The following ACAA1 variants were observed in gnomAD, a reference collection of about 807,000 sequenced individuals.
ACAA1 encodes acetyl-CoA acyltransferase 1.
In ACAA1, 44 loss-of-function variants were observed where a neutral mutation model predicts 48.8. The observed-to-expected ratio is 0.90, with a 90% CI of 0.71 to 1.16. ACAA1 has a LOEUF of 1.16. Among genes scored for constraint, ACAA1 ranks in the 50% most tolerant of loss-of-function variants. ACAA1 has a pLI of 0.00. For missense variants in ACAA1, 512 were observed against 562.3 expected, an observed-to-expected ratio of 0.91 and a Z score of 0.90; for synonymous variants, 233 against 226.5, an observed-to-expected ratio of 1.03 and a Z score of -0.26.
chr3:38,123,062 T>G lies in ACAA1; in HGVS notation c.1260A>C (p.Glu420Asp). ...GGGACCTCACTCAGTTCCCAGGGTA[T>G]TCAAAGACGGCAGCGGCTCCCATTC... ...GTGMGAAAVF[E>D]YPGN The change falls in exon 12 of 12, where the codon GAA becomes GAC. Residue 420 changes from glutamate (E) to aspartate (D), a missense_variant. Glu to Asp is a conservative substitution (Grantham distance 45). Transcript: ENST00000333167. 1.9e-6 allele frequency: 3 copies of G among 1,614,144 alleles called. No individual in the cohort carries two copies. Among genetic ancestry groups the G allele is most frequent in the Non-Finnish European group, 2.5e-6 (3 of 1,180,016 alleles).
In ACAA1 at chr3:38,136,670, C is replaced by T; in HGVS notation, c.187G>A (p.Glu63Lys). ...RGGFKDTTPD[E>K]LLSAVMTAVL... ...GCGGTCATGACTGCCGAGAGAAGCT[C>T]GTCGGGGGTGGTGTCCTGCAGCAGA... Residue 63 changes from glutamate to lysine, a missense_variant, in exon 2 of 12, where the codon GAG (glutamate) becomes AAG (lysine). Transcript: ENST00000333167. 1 of 1,612,862 alleles carries T rather than the reference C, an allele frequency of 6.2e-7. No homozygotes were observed. The highest frequency in any genetic ancestry group is 1.7e-4 in the Middle Eastern group (1 of 6,054).
At chr3:38,136,818 C>A in intron 1 of ACAA1, 47 bp downstream of exon 1, 1 of 1,487,098 alleles carries the variant, frequency 6.7e-7, no homozygotes, top group East Asian at 2.5e-5. Flanking sequence ...GACCCCAGCC[C>A]GCGCCGGCGT....
At chr3:38,130,459 C>T (rs1348914658) in intron 5 of ACAA1, among the ~76,000 whole-genome samples, 2 of 152,192 alleles carry the variant, frequency 1.3e-5, no homozygotes, top group South Asian at 2.1e-4. Context: ...CCTGGATCCA[C>T]ATTTAGGTAG....
chr3:38,133,827 G>C (rs1026746588), intron 3 of ACAA1, 125 bp downstream of exon 3: 9 of 901,846 alleles, frequency 1.0e-5, no homozygotes, highest in Non-Finnish European at 1.6e-5. Flanking sequence ...GGGAGCCAAG[G>C]ACTCTCGTTG....
Position 38,126,238 on chromosome 3 carries a change from A to G in ACAA1, c.921T>C (p.Tyr307=), listed in dbSNP as rs754846780. 5 of 1,614,194 alleles carry G rather than the reference A, an allele frequency of 3.1e-6. No homozygotes were observed. In the South Asian group the frequency reaches 3.3e-5, roughly 11 times the overall value. The change falls in exon 9 of 12, where the codon TAT becomes TAC. Residue 307 remains tyrosine (Y), a synonymous_variant. Transcript: ENST00000333167. This position sits in a 1 kb window ranked among gnomAD's most constrained non-coding sequence, Gnocchi z 4.7. ...GLPILGVLRS[Y]AVVGVPPDIM... ...TGTCAGGTGGGACCCCAACCACTGC[A>G]TAAGACCTCAGGACCCCAAGGATGG... is the stretch of plus-strand genomic sequence containing the variant.
intron 6 of ACAA1, 111 bp from the exon 7 acceptor site, chr3:38,127,977 A>G (rs1038252130): frequency 1.0e-6 from 1 of 991,458 alleles, no homozygotes; most frequent in Non-Finnish European, 1.6e-6. Context: ...TAGGCAGGAC[A>G]GGATGTAAGG....
At chr3:38,130,781 T>C (rs901305402) in intron 5 of ACAA1, among the ~76,000 whole-genome samples, 29 of 152,228 alleles carry the variant, frequency 1.9e-4, no homozygotes, top group African/African-American at 6.8e-4. Flanking sequence ...TTTACAACTG[T>C]AGACATAGGT....
chr3:38,136,737 A>G, intron 1 of ACAA1, 52 bp from the exon 2 acceptor site: 1 of 1,531,252 alleles, frequency 6.5e-7, no homozygotes, highest in Non-Finnish European at 8.8e-7. Flanking sequence ...TGCCCACCCC[A>G]GGGAGACAAA....
chr3:38,137,080 C>T lies in ACAA1; in HGVS notation c.-45G>A. The T allele has an allele frequency of 1.4e-6, 2 of 1,473,366 alleles. No individual in the cohort carries two copies. Among genetic ancestry groups the T allele is most frequent in the South Asian group, 1.3e-5 (1 of 77,838 alleles). 91.3% of individuals were successfully genotyped at this position (1,473,366 alleles called of 1,614,324 possible). On this transcript the variant is annotated 5_prime_UTR_variant, in exon 1 of 12. Coordinates refer to ENST00000333167, the MANE Select transcript of ACAA1 (RefSeq NM_001607.4). The stretch of plus-strand genomic sequence containing the variant: ...GACCAGCCACCAGTCCGGGAACTGA[C>T]CGCGGAGTTAACAGACAGCCGTCCG...
intron 11 of ACAA1, 127 bp from the exon 12 acceptor site, chr3:38,123,249 G>C: frequency 1.2e-6 from 1 of 854,652 alleles, no homozygotes; most frequent in Non-Finnish European, 1.9e-6. Context: ...GTGGGCAAGC[G>C]GTACCCTGGC....
chr3:38,125,727 C>A lies in ACAA1; in HGVS notation c.1054-17G>T. ...GTAGGCAGCCTGGAAGGAGGCAGATCATCACCTATAGCCCTCTTACCCCTC... is the reference window on the plus strand; with the variant it reads ...GTAGGCAGCCTGGAAGGAGGCAGATAATCACCTATAGCCCTCTTACCCCTC... On this transcript the variant is annotated splice_polypyrimidine_tract_variant and intron_variant, in intron 10 of 11. Coordinates refer to ENST00000333167, the MANE Select transcript of ACAA1 (RefSeq NM_001607.4). 1 of 1,611,568 alleles carries A rather than the reference C, an allele frequency of 6.2e-7. No individual in the cohort carries two copies. Among genetic ancestry groups the A allele is most frequent in the Non-Finnish European group, 8.5e-7 (1 of 1,178,252 alleles).
rs1023472871 is a variant in ACAA1, at chr3:38,131,505, A to G, written c.446+91T>C. On this transcript the variant is annotated intron_variant, in intron 5 of 11. Transcript: ENST00000333167. ...CAGCTGCCTAAAGGGGATGGGGGGA[A>G]TCCTGAAATCATGGCCTCTGAGAAC... is the stretch of plus-strand genomic sequence containing the variant. 3.7e-5 allele frequency: 51 copies of G among 1,380,848 alleles called. No homozygotes were observed. In the Admixed American group the frequency reaches 8.1e-4, roughly 22 times the overall value. 85.5% of individuals were successfully genotyped at this position (1,380,848 alleles called of 1,614,324 possible).
At chr3:38,136,801 C>A (rs961335542) in intron 1 of ACAA1, 64 bp downstream of exon 1, 19 of 1,483,934 alleles carry the variant, frequency 1.3e-5, no homozygotes, top group African/African-American at 1.4e-5. Context: ...ACCAAACATA[C>A]GAACCGGACC....
rs1700753072 is a variant in ACAA1 at position 38,129,945 on chromosome 3, C to A, written c.447-557G>T. Among the ~76,000 whole-genome samples, 1 of 152,182 alleles carries A rather than the reference C, an allele frequency of 6.6e-6. No individual in the cohort carries two copies. Among genetic ancestry groups the A allele is most frequent in the African/African-American group, 2.4e-5 (1 of 41,434 alleles). On this transcript the variant is annotated intron_variant, in intron 5 of 11. Coordinates refer to ENST00000333167, the MANE Select transcript of ACAA1 (RefSeq NM_001607.4). This position sits in a 1 kb window ranked among gnomAD's most constrained non-coding sequence, Gnocchi z 5.3. Reference sequence around the variant, plus strand: ...CAGGCGCCAGGGTGGGAGGCTGAGGCAGGAGAATGGCGTAAACCCAGGAGG... The same window carrying A: ...CAGGCGCCAGGGTGGGAGGCTGAGGAAGGAGAATGGCGTAAACCCAGGAGG...
intron 5 of ACAA1, among the ~76,000 whole-genome samples, chr3:38,131,006 G>C (rs1385419426): frequency 1.3e-5 from 2 of 152,174 alleles, no homozygotes. Flanking sequence ...ACCTTCCCTG[G>C]AGGCACTGCC....
chr3:38,126,243 A>T lies in ACAA1; in HGVS notation c.916T>A (p.Ser306Thr). 1 of 1,614,040 alleles carries T rather than the reference A, an allele frequency of 6.2e-7. No homozygotes were observed. Among genetic ancestry groups the T allele is most frequent in the East Asian group, 2.2e-5 (1 of 44,878 alleles). ...LGLPILGVLR[S>T]YAVVGVPPDI... is the part of the protein sequence containing the mutation. Reference sequence around the variant, plus strand: ...GGTGGGACCCCAACCACTGCATAAGACCTCAGGACCCCAAGGATGGGAAGG... The same window carrying T: ...GGTGGGACCCCAACCACTGCATAAGTCCTCAGGACCCCAAGGATGGGAAGG... Residue 306 changes from serine to threonine, a missense_variant, in exon 9 of 12, where the codon TCT becomes ACT. By Grantham distance (58) the Ser-to-Thr change is moderately conservative. Transcript: ENST00000333167. The surrounding 1 kb of genome is among the most constrained non-coding windows in gnomAD (Gnocchi z 4.7).
In ACAA1 at chr3:38,136,603, T is replaced by C; in HGVS notation, c.254A>G (p.Asp85Gly). 6.2e-7 allele frequency: 1 copy of C among 1,613,888 alleles called. No homozygotes were observed. Among genetic ancestry groups the C allele is most frequent in the Non-Finnish European group, 8.5e-7 (1 of 1,179,966 alleles). ...AGTGGTTCGCTCACCGACACAGATG[T>C]CCCCCAGCTGTTCCGGCCTCAGATT... is the stretch of plus-strand genomic sequence containing the variant. ...DVNLRPEQLG[D>G]ICVGNVLQPG... is the part of the protein sequence containing the mutation. Residue 85 changes from aspartate to glycine, a missense_variant, in exon 2 of 12, where the codon GAC becomes GGC. Asp to Gly is a moderately conservative substitution (Grantham distance 94). Transcript: ENST00000333167.
intron 3 of ACAA1, among the ~76,000 whole-genome samples, chr3:38,132,814 T>C (rs986239096): frequency 6.6e-6 from 1 of 152,164 alleles, no homozygotes; most frequent in African/African-American, 2.4e-5. Flanking sequence ...CTCAGGGGGA[T>C]AGCCTCCTGT....
intron 3 of ACAA1, 127 bp downstream of exon 3, chr3:38,133,825 A>G: frequency 2.2e-6 from 2 of 889,514 alleles, no homozygotes; most frequent in Non-Finnish European, 3.7e-6. Context: ...CAGGGAGCCA[A>G]GGACTCTCGT....
Sources: allele counts gnomAD v4.1 joint callset (sites outside exome capture counted in the v4.1 genomes callset), GRCh38; gene constraint gnomAD v4.1.1; non-coding constraint Gnocchi (gnomAD v3.1); transcripts MANE v1.5; gene names NCBI Gene and HGNC (gene_info 2026-07-23, HGNC 2026-07-21).